The following CCDC13 variants were observed in gnomAD, a reference collection of about 807,000 sequenced individuals.
CCDC13 encodes coiled-coil domain-containing protein 13.
Under a neutral mutation model 87.3 loss-of-function variants are expected in CCDC13, and 70 were observed. That is an observed-to-expected ratio of 0.80 (90% confidence interval 0.66 to 0.98). The LOEUF (loss-of-function observed/expected upper bound fraction) is 0.98, where lower values mean the gene tolerates loss of function less well. Among genes scored for constraint, CCDC13 ranks in the 50% least tolerant of loss-of-function variants. The pLI, the probability that CCDC13 is intolerant of heterozygous loss-of-function variation, is 0.00. For missense variants in CCDC13, 842 were observed against 892.0 expected, an observed-to-expected ratio of 0.94 and a Z score of 0.71; for synonymous variants, 317 against 360.3, an observed-to-expected ratio of 0.88 and a Z score of 1.36.
chr3:42,770,526 G>A (rs1033103298), intron 1 of CCDC13: 10 of 152,228 alleles, frequency 6.6e-5, no homozygotes, highest in African/African-American at 2.4e-4. Context: ...TGGGCTCTCT[G>A]TAAAATGGAC....
intron 5 of CCDC13, 146 bp from the exon 6 acceptor site, chr3:42,747,519 G>A (rs1699446491): frequency 1.5e-6 from 1 of 651,338 alleles, no homozygotes; most frequent in Non-Finnish European, 2.7e-6. Flanking sequence ...AAACCCCTGT[G>A]AGGTAGGTTC....
intron 1 of CCDC13, among the ~76,000 whole-genome samples, chr3:42,771,597 A>G (rs141916597): frequency 5.9e-5 from 9 of 152,288 alleles, no homozygotes; most frequent in African/African-American, 1.7e-4. Flanking sequence ...TTTACAAAAA[A>G]TAAAAAAATT....
intron 1 of CCDC13, among the ~76,000 whole-genome samples, chr3:42,768,478 C>G (rs757645000): frequency 4.6e-5 from 7 of 151,980 alleles, no homozygotes; most frequent in African/African-American, 7.3e-5. Flanking sequence ...AGGCGGATCA[C>G]CTGAGGTCAG....
At chr3:42,746,079 C>T (rs780990846) in intron 6 of CCDC13, 52 bp from the exon 7 acceptor site, 4 of 1,290,050 alleles carry the variant, frequency 3.1e-6, no homozygotes, top group South Asian at 2.4e-5. Context: ...CTCCACCAGA[C>T]CCTGATGCTG....
intron 1 of CCDC13, among the ~76,000 whole-genome samples, chr3:42,771,599 A>T (rs1317200554): frequency 6.6e-6 from 1 of 152,108 alleles, no homozygotes; most frequent in Non-Finnish European, 1.5e-5. Flanking sequence ...TACAAAAAAT[A>T]AAAAAATTAG....
At chr3:42,756,555 G>C (rs559966200) in intron 3 of CCDC13, among the ~76,000 whole-genome samples, 1 of 151,746 alleles carries the variant, frequency 6.6e-6, no homozygotes, top group Non-Finnish European at 1.5e-5. Context: ...AGCAACAGCA[G>C]GTGCTGTAGA....
chr3:42,769,290 A>C (rs555661957), intron 1 of CCDC13, among the ~76,000 whole-genome samples: 1 of 152,256 alleles, frequency 6.6e-6, no homozygotes. Flanking sequence ...ATACCATTAC[A>C]TACCTATTAG....
intron 5 of CCDC13, among the ~76,000 whole-genome samples, chr3:42,749,596 G>A (rs1449929633): frequency 1.3e-5 from 2 of 152,210 alleles, no homozygotes; most frequent in African/African-American, 2.4e-5. Flanking sequence ...GCTAGATGGT[G>A]TTCTGGAGAG....
At chr3:42,705,561 T>TCTTTA (rs755995310), downstream of CCDC13, among the ~76,000 whole-genome samples, 363 of 152,220 alleles carry the variant, frequency 2.4e-3, no homozygotes, top group Non-Finnish European at 4.4e-3. Context: ...ACCACTTAAC[T>TCTTTA]CTTTACTTGC....
intron 13 of CCDC13, among the ~76,000 whole-genome samples, chr3:42,728,067 G>T (rs1232399122): frequency 6.6e-6 from 1 of 152,174 alleles, no homozygotes; most frequent in African/African-American, 2.4e-5. Flanking sequence ...TGTCATGGTG[G>T]ACTAACCAAC....
At chr3:42,713,796 A>G (rs1245781293) in intron 13 of CCDC13, 1 of 152,390 alleles carries the variant, frequency 6.6e-6, no homozygotes, top group East Asian at 1.9e-4. Context: ...GCTATAACAA[A>G]TTACCATAAA....
At chr3:42,710,097 GTTTTCTTTTTT>G (rs1456270905) in intron 14 of CCDC13, among the ~76,000 whole-genome samples, 56 of 146,808 alleles carry the variant, frequency 3.8e-4, no homozygotes, top group African/African-American at 6.3e-4. Context: ...CTGGTAATTT[GTTTTCTTTTTT>G]TTTTCTTTTT....
intron 13 of CCDC13, among the ~76,000 whole-genome samples, chr3:42,714,923 C>T (rs554229425): frequency 6.6e-6 from 1 of 152,132 alleles, no homozygotes; most frequent in African/African-American, 2.4e-5. Context: ...TACTATAGAA[C>T]GTGATAGAAT....
rs561253733 is a variant in CCDC13 at position 42,764,029 on chromosome 3, A to G, written c.-6-5678T>C. On this transcript the variant is annotated intron_variant, in intron 1 of 15. Coordinates refer to ENST00000310232, the MANE Select transcript of CCDC13 (RefSeq NM_144719.4). Reference sequence around the variant, plus strand: ...AGGGGGGAGCTTCCAGGTGATAAGTAGATTTAAAATTTTTCTGATTGGTAA... The same window carrying G: ...AGGGGGGAGCTTCCAGGTGATAAGTGGATTTAAAATTTTTCTGATTGGTAA... 2.0e-5 allele frequency among the ~76,000 whole-genome samples: 3 copies of G among 152,360 alleles called. No individual in the cohort carries two copies. The East Asian group carries it at 5.8e-4, about 29-fold the overall frequency.
At chr3:42,749,895 T>C in intron 5 of CCDC13, 1 of 456,664 alleles carries the variant, frequency 2.2e-6, no homozygotes, top group East Asian at 7.0e-5. Context: ...GGCCTAGGGT[T>C]GGAATGTGGA....
intron 5 of CCDC13, among the ~76,000 whole-genome samples, chr3:42,748,707 G>A (rs1699488316): frequency 6.6e-6 from 1 of 152,176 alleles, no homozygotes; most frequent in Non-Finnish European, 1.5e-5. Flanking sequence ...CTCATCTATG[G>A]AATGAGTATA....
At chr3:42,752,161 C>G in intron 4 of CCDC13, 136 bp from the exon 5 acceptor site, 1 of 699,172 alleles carries the variant, frequency 1.4e-6, no homozygotes, top group South Asian at 1.8e-5. Context: ...TCATTAATGG[C>G]AGCATTCTCC....
At chr3:42,771,921 G>T (rs1700125225) in intron 1 of CCDC13, among the ~76,000 whole-genome samples, 1 of 152,116 alleles carries the variant, frequency 6.6e-6, no homozygotes. Context: ...AATACATAAA[G>T]GAACTGTTTT....
chr3:42,770,306 T>C (rs950931474), intron 1 of CCDC13, among the ~76,000 whole-genome samples: 1 of 151,910 alleles, frequency 6.6e-6, no homozygotes, highest in African/African-American at 2.4e-5. Context: ...GTGGGGACTT[T>C]GAGAATCTTT....
Sources: allele counts gnomAD v4.1 joint callset (sites outside exome capture counted in the v4.1 genomes callset), GRCh38; gene constraint gnomAD v4.1.1; transcripts MANE v1.5; gene names NCBI Gene and HGNC (gene_info 2026-07-23, HGNC 2026-07-21).